Variants in FMN1 observed in about 807,000 individuals in gnomAD.
FMN1 encodes the protein formin-1.
FMN1 carries 110 observed loss-of-function variants against 132.4 expected under a neutral mutation model. The ratio of observed to expected loss-of-function variants is 0.83; its 90% CI spans 0.71 to 0.97. The LOEUF is 0.97. Ranked by LOEUF, FMN1 falls within the 50% of genes least tolerant of loss-of-function variation. The pLI is 0.00. For synonymous variants in FMN1, 722 were observed against 651.7 expected (o/e 1.11, Z -1.64); for missense variants, 1,792 against 1,705.3 (o/e 1.05, Z -0.90).
rs1318064870 is a variant in FMN1 at position 32,768,574 on chromosome 15, C to T, written c.*5736G>A. 6.6e-6 allele frequency: 1 copy of T among 152,136 alleles called. No homozygotes were observed. The highest frequency in any genetic ancestry group is 2.4e-5 in the African/African-American group (1 of 41,420). 9.4% of individuals were successfully genotyped at this position (152,136 alleles called of 1,614,324 possible). ...AGGTAGAATTTAGGAAAATGTTCAGCCTATGTGAGAGCTATAGTGTGGTAG... is the reference window on the plus strand; with the variant it reads ...AGGTAGAATTTAGGAAAATGTTCAGTCTATGTGAGAGCTATAGTGTGGTAG... On this transcript the variant is annotated 3_prime_UTR_variant, in exon 21 of 21. Transcript: ENST00000616417.
intron 6 of FMN1, among the ~76,000 whole-genome samples, chr15:33,013,928 G>A (rs2034886013): frequency 6.6e-6 from 1 of 152,166 alleles, no homozygotes; most frequent in Non-Finnish European, 1.5e-5. Flanking sequence ...GTACCTATAT[G>A]GGTGTGACAG....
At chr15:33,096,725 G>T (rs2039099229) in intron 4 of FMN1, among the ~76,000 whole-genome samples, 1 of 151,908 alleles carries the variant, frequency 6.6e-6, no homozygotes, top group African/African-American at 2.4e-5. Context: ...TCCCACCTCA[G>T]CCTCCCAAGT....
At chr15:32,916,452 G>A (rs1370013774) in intron 10 of FMN1, among the ~76,000 whole-genome samples, 2 of 152,204 alleles carry the variant, frequency 1.3e-5, no homozygotes, top group African/African-American at 2.4e-5. Context: ...CTCTGAGCAA[G>A]AAGCATGGGA....
chr15:32,853,523 T>C (rs2059056869), intron 17 of FMN1, among the ~76,000 whole-genome samples: 2 of 152,240 alleles, frequency 1.3e-5, no homozygotes, highest in Non-Finnish European at 2.9e-5. Context: ...TGGTGAATAG[T>C]GCCTATCTGT....
intron 16 of FMN1, among the ~76,000 whole-genome samples, chr15:32,867,121 C>T (rs1277141761): frequency 6.6e-6 from 1 of 152,222 alleles, no homozygotes; most frequent in East Asian, 1.9e-4. Context: ...TACTCTTCAC[C>T]AGGCTGCTAT....
chr15:32,864,410 CT>C (rs2059346464), intron 16 of FMN1, among the ~76,000 whole-genome samples: 1 of 152,202 alleles, frequency 6.6e-6, no homozygotes, highest in African/African-American at 2.4e-5. Flanking sequence ...CTAAATAGCC[CT>C]TCAAAGCCCA....
chr15:33,081,871 C>T (rs1227041248), intron 5 of FMN1, among the ~76,000 whole-genome samples: 1 of 152,122 alleles, frequency 6.6e-6, no homozygotes, highest in African/African-American at 2.4e-5. Flanking sequence ...GTAATTACAT[C>T]CAGGTTCATA....
chr15:33,130,482 A>G (rs1963492633), intron 4 of FMN1, among the ~76,000 whole-genome samples: 1 of 152,220 alleles, frequency 6.6e-6, no homozygotes, highest in Non-Finnish European at 1.5e-5. Flanking sequence ...TAAGAATGAG[A>G]TAAGGAGGTT....
chr15:33,036,351 T>C (rs1445849428), intron 6 of FMN1, among the ~76,000 whole-genome samples: 2 of 152,220 alleles, frequency 1.3e-5, no homozygotes, highest in East Asian at 3.8e-4. Flanking sequence ...CTATATGACA[T>C]ACTTCCTTCA....
At chr15:32,994,385 C>A (rs1476312604) in intron 7 of FMN1, among the ~76,000 whole-genome samples, 1 of 152,082 alleles carries the variant, frequency 6.6e-6, no homozygotes, top group Non-Finnish European at 1.5e-5. Flanking sequence ...TGTGCTTTGG[C>A]CACACAAAGC....
chr15:32,919,666 G>C (rs982969794), intron 10 of FMN1, among the ~76,000 whole-genome samples: 5 of 152,060 alleles, frequency 3.3e-5, no homozygotes, highest in Admixed American at 2.6e-4. Flanking sequence ...ACTTTTTACT[G>C]TTGGGGTGCA....
intron 9 of FMN1, among the ~76,000 whole-genome samples, chr15:32,961,815 A>T (rs2140576901): frequency 6.6e-6 from 1 of 152,274 alleles, no homozygotes; most frequent in South Asian, 2.1e-4. Flanking sequence ...GTTGCCTCAG[A>T]TCTCACAGTC....
At chr15:33,193,597 C>T (rs1199956363) in intron 2 of FMN1, among the ~76,000 whole-genome samples, 1 of 152,170 alleles carries the variant, frequency 6.6e-6, no homozygotes, top group Admixed American at 6.5e-5. Flanking sequence ...TCTGGACATT[C>T]ACCTCTCAGT....
chr15:33,165,637 T>C (rs760085088), intron 3 of FMN1, among the ~76,000 whole-genome samples: 2 of 152,296 alleles, frequency 1.3e-5, no homozygotes, highest in African/African-American at 2.4e-5. Context: ...ATGATCCGCC[T>C]GCCTCGGCCT....
chr15:33,062,974 A>G (rs1411632176), intron 6 of FMN1: 1 of 152,204 alleles, frequency 6.6e-6, no homozygotes, highest in Non-Finnish European at 1.5e-5. Context: ...TGATAATAAC[A>G]GAAGCTTGTC....
intron 16 of FMN1, among the ~76,000 whole-genome samples, chr15:32,870,815 C>A (rs1331268933): frequency 2.0e-5 from 3 of 152,136 alleles, no homozygotes; most frequent in African/African-American, 7.2e-5. Context: ...CTGGTCCCCA[C>A]AAAAATCGCC....
At chr15:32,877,739 G>T (rs1007780097) in intron 16 of FMN1, among the ~76,000 whole-genome samples, 3 of 152,130 alleles carry the variant, frequency 2.0e-5, no homozygotes. Context: ...TTTAAAATCT[G>T]TCCCTCTAAA....
intron 6 of FMN1, among the ~76,000 whole-genome samples, chr15:33,013,741 A>G (rs923008385): frequency 2.0e-5 from 3 of 152,244 alleles, no homozygotes; most frequent in Non-Finnish European, 4.4e-5. Context: ...GTTGAGTCCT[A>G]ACCCATGTCA....
intron 9 of FMN1, among the ~76,000 whole-genome samples, chr15:32,932,257 G>C (rs1056746295): frequency 1.3e-5 from 2 of 152,058 alleles, no homozygotes; most frequent in Non-Finnish European, 2.9e-5. Context: ...AAAATTAGCT[G>C]TGCATGGAGG....
Sources: allele counts gnomAD v4.1 joint callset (sites outside exome capture counted in the v4.1 genomes callset), GRCh38; gene constraint gnomAD v4.1.1; transcripts MANE v1.5; gene names NCBI Gene and HGNC (gene_info 2026-07-23, HGNC 2026-07-21).